Variants in SUGCT observed in about 807,000 individuals in gnomAD.
The protein encoded by SUGCT is succinyl-CoA:glutarate-CoA transferase, also known as succinyl-CoA:glutarate CoA-transferase.
In SUGCT, 41 loss-of-function variants were observed where a neutral mutation model predicts 55.0. The observed-to-expected ratio is 0.74, with a 90% CI of 0.58 to 0.97. The LOEUF (loss-of-function observed/expected upper bound fraction) is 0.97. Ranked by LOEUF, SUGCT falls within the 50% of genes least tolerant of loss-of-function variation. The probability of loss-of-function intolerance (pLI) is 0.00; values close to 1 mark genes in which losing one functional copy is unlikely to be tolerated. For synonymous variants in SUGCT, 187 were observed against 200.4 expected (o/e 0.93, Z 0.56); for missense variants, 568 against 547.8 (o/e 1.04, Z -0.37).
At chr7:40,473,255 T>G (rs1355094124) in intron 11 of SUGCT, among the ~76,000 whole-genome samples, 1 of 152,182 alleles carries the variant, frequency 6.6e-6, no homozygotes, top group African/African-American at 2.4e-5. Context: ...AGTAATCATA[T>G]GAAGCATCTT....
At chr7:40,190,778 T>C (rs1396453835) in intron 5 of SUGCT, among the ~76,000 whole-genome samples, 1 of 152,214 alleles carries the variant, frequency 6.6e-6, no homozygotes, top group Non-Finnish European at 1.5e-5. Flanking sequence ...GGATTGGTTC[T>C]ACTAGAACCT....
At chr7:40,720,343 G>A (rs534348938) in intron 12 of SUGCT, among the ~76,000 whole-genome samples, 7 of 152,306 alleles carry the variant, frequency 4.6e-5, no homozygotes, top group Admixed American at 1.3e-4. Context: ...TAAAAATGCC[G>A]CATCTTGGAT....
At chr7:40,832,990 C>A (rs2128780253) in intron 13 of SUGCT, among the ~76,000 whole-genome samples, 1 of 152,046 alleles carries the variant, frequency 6.6e-6, no homozygotes, top group Non-Finnish European at 1.5e-5. Context: ...ACTCCTACTT[C>A]TATTCTGCAT....
chr7:40,757,732 A>G (rs1351910597), intron 13 of SUGCT, among the ~76,000 whole-genome samples: 1 of 152,190 alleles, frequency 6.6e-6, no homozygotes, highest in Admixed American at 6.6e-5. Flanking sequence ...TAACCTGAAT[A>G]TAGAAATCAA....
the SUGCT span, among the ~76,000 whole-genome samples, chr7:41,013,017 A>AATATATAT: frequency 4.1e-5 from 6 of 147,874 alleles, no homozygotes; most frequent in East Asian, 4.0e-4. Context: ...CTCTGATTTA[A>AATATATAT]ATATATATAT....
At chr7:40,858,539 T>C (rs1203578) in intron 13 of SUGCT, among the ~76,000 whole-genome samples, 64,443 of 151,962 alleles carry the variant, frequency 0.42, 14,578 homozygotes, top group East Asian at 0.82. Context: ...CATATATTGC[T>C]TCAAGCAGTT....
intron 9 of SUGCT, among the ~76,000 whole-genome samples, chr7:40,420,287 A>G (rs1311822707): frequency 1.3e-5 from 2 of 152,068 alleles, no homozygotes; most frequent in African/African-American, 4.8e-5. Context: ...TAGTCAGATC[A>G]TGTTATGCAA....
At chr7:40,471,386 A>G (rs1323686033) in intron 11 of SUGCT, among the ~76,000 whole-genome samples, 3 of 151,830 alleles carry the variant, frequency 2.0e-5, no homozygotes, top group East Asian at 3.8e-4. Context: ...TAAACTGTAT[A>G]TAAGTTATAG....
the SUGCT span, among the ~76,000 whole-genome samples, chr7:40,905,631 C>T: frequency 6.6e-6 from 1 of 151,930 alleles, no homozygotes; most frequent in Non-Finnish European, 1.5e-5. Context: ...TAGAACATTT[C>T]CTGGCATCTA....
intron 8 of SUGCT, among the ~76,000 whole-genome samples, chr7:40,300,706 T>C (rs1336366843): frequency 6.6e-6 from 1 of 152,216 alleles, no homozygotes; most frequent in Non-Finnish European, 1.5e-5. Context: ...CCCAAACATG[T>C]CTATAGCTTG....
chr7:40,487,386 C>T (rs1425387613), intron 11 of SUGCT, among the ~76,000 whole-genome samples: 2 of 150,276 alleles, frequency 1.3e-5, no homozygotes, highest in Admixed American at 6.7e-5. Context: ...GGATTACAGG[C>T]GTGAGCCACC....
chr7:40,932,914 G>T, the SUGCT span, among the ~76,000 whole-genome samples: 3 of 151,782 alleles, frequency 2.0e-5, no homozygotes, highest in Non-Finnish European at 4.4e-5. Context: ...TTTTAATTGG[G>T]GCATTTAGCA....
intron 12 of SUGCT, among the ~76,000 whole-genome samples, chr7:40,664,140 G>A (rs7780043): frequency 6.6e-6 from 1 of 152,052 alleles, no homozygotes; most frequent in Non-Finnish European, 1.5e-5. Flanking sequence ...CATGATTTTC[G>A]ATTTCTACCC....
At chr7:40,333,031 G>A (rs185986710) in intron 9 of SUGCT, among the ~76,000 whole-genome samples, 108 of 152,226 alleles carry the variant, frequency 7.1e-4, no homozygotes, top group Non-Finnish European at 8.1e-4. Flanking sequence ...TATTAGATAC[G>A]TAAATGCTAA....
the SUGCT span, among the ~76,000 whole-genome samples, chr7:40,877,542 A>G: frequency 6.6e-6 from 1 of 152,210 alleles, no homozygotes; most frequent in Non-Finnish European, 1.5e-5. Context: ...AAAAATTTCA[A>G]ACACAGCTCT....
chr7:40,843,434 A>G (rs930115534), intron 13 of SUGCT, among the ~76,000 whole-genome samples: 6 of 148,090 alleles, frequency 4.1e-5, no homozygotes, highest in Non-Finnish European at 8.9e-5. Flanking sequence ...TGCTTGAACC[A>G]GGCAGTCAGA....
intron 9 of SUGCT, among the ~76,000 whole-genome samples, chr7:40,343,974 C>T (rs1358124207): frequency 2.6e-5 from 4 of 152,148 alleles, no homozygotes; most frequent in African/African-American, 9.7e-5. Context: ...ATCTGCTTTT[C>T]CTCACTGCCT....
At chr7:40,261,468 C>T (rs1235729636) in intron 7 of SUGCT, among the ~76,000 whole-genome samples, 2 of 152,182 alleles carry the variant, frequency 1.3e-5, no homozygotes, top group Non-Finnish European at 2.9e-5. Context: ...AGTGAGAATA[C>T]TAACATGTAT....
the SUGCT span, among the ~76,000 whole-genome samples, chr7:40,898,554 TCTA>T: frequency 2.2e-5 from 3 of 135,558 alleles, no homozygotes; most frequent in East Asian, 2.4e-4. Flanking sequence ...AAACCCCAGA[TCTA>T]CTAAAAATAC....
Sources: allele counts gnomAD v4.1 joint callset (sites outside exome capture counted in the v4.1 genomes callset), GRCh38; gene constraint gnomAD v4.1.1; transcripts MANE v1.5; gene names NCBI Gene and HGNC (gene_info 2026-07-23, HGNC 2026-07-21).